Variants in RYR2 observed in about 807,000 individuals in gnomAD.
RYR2 encodes ryanodine receptor 2.
In RYR2, 227 loss-of-function variants were observed where a neutral mutation model predicts 601.1. The ratio of observed to expected loss-of-function variants is 0.38; its 90% CI spans 0.34 to 0.42. RYR2 has a LOEUF of 0.42. Ranked by LOEUF, RYR2 falls within the 10% of genes least tolerant of loss-of-function variation. RYR2 has a pLI of 1.00. For missense variants in RYR2, 4,646 were observed against 6,156.5 expected (o/e 0.75, Z 8.21); for synonymous variants, 2,223 against 2,175.1 (o/e 1.02, Z -0.61).
At chr1:237,224,574 C>T (rs570907620) in intron 1 of RYR2, among the ~76,000 whole-genome samples, 3 of 152,066 alleles carry the variant, frequency 2.0e-5, no homozygotes, top group Admixed American at 6.6e-5. Context: ...TTATGACTTA[C>T]AGGCTGGGCA....
At chr1:237,453,149 T>G (rs1245575774) in intron 14 of RYR2, among the ~76,000 whole-genome samples, 1 of 152,102 alleles carries the variant, frequency 6.6e-6, no homozygotes, top group Non-Finnish European at 1.5e-5. Flanking sequence ...GCATGTGAAT[T>G]AAATGGGAAA....
At chr1:237,286,977 T>C (rs146195473) in intron 2 of RYR2, among the ~76,000 whole-genome samples, 222 of 152,330 alleles carry the variant, frequency 1.5e-3, no homozygotes, top group African/African-American at 5.0e-3. Context: ...TGTTTCAAGA[T>C]TCTGAGCTCC....
At chr1:237,437,319 TG>T (rs1707501397) in intron 12 of RYR2, among the ~76,000 whole-genome samples, 1 of 152,200 alleles carries the variant, frequency 6.6e-6, no homozygotes. Context: ...CCTAAAGTGC[TG>T]GGATTACAGG....
At chr1:237,148,561 C>CATATATATAT (rs1558320364) in intron 1 of RYR2, among the ~76,000 whole-genome samples, 1 of 109,750 alleles carries the variant, frequency 9.1e-6, no homozygotes, top group African/African-American at 3.7e-5. Flanking sequence ...TATACACACA[C>CATATATATAT]ACATATATAT....
intron 1 of RYR2, among the ~76,000 whole-genome samples, chr1:237,202,450 T>C (rs765494318): frequency 6.6e-5 from 10 of 152,140 alleles, no homozygotes; most frequent in Non-Finnish European, 1.0e-4. Flanking sequence ...CTCTGTTGCC[T>C]AGGCTGGAGT....
At chr1:237,653,782 G>A (rs192634620) in intron 51 of RYR2, among the ~76,000 whole-genome samples, 1 of 152,326 alleles carries the variant, frequency 6.6e-6, no homozygotes, top group East Asian at 1.9e-4. Context: ...AGGCCCGTGA[G>A]CCCCTGGCAA....
chr1:237,766,711 G>A (rs1693874129), intron 84 of RYR2, among the ~76,000 whole-genome samples: 1 of 152,138 alleles, frequency 6.6e-6, no homozygotes, highest in African/African-American at 2.4e-5. Context: ...GAAACAAGAT[G>A]CAATCACATT....
intron 14 of RYR2, among the ~76,000 whole-genome samples, chr1:237,446,647 C>G (rs1364679545): frequency 6.6e-6 from 1 of 152,042 alleles, no homozygotes; most frequent in African/African-American, 2.4e-5. Flanking sequence ...ACCATACACA[C>G]TGTGTGTATA....
chr1:237,387,208 C>T, intron 8 of RYR2, 73 bp from the exon 9 acceptor site: 2 of 1,319,220 alleles, frequency 1.5e-6, no homozygotes, highest in Non-Finnish European at 1.1e-6. Flanking sequence ...GTTAAGTTTG[C>T]ATTCCTAGAA....
At chr1:237,395,248 T>G (rs1375405312) in intron 10 of RYR2, among the ~76,000 whole-genome samples, 1 of 152,190 alleles carries the variant, frequency 6.6e-6, no homozygotes, top group Non-Finnish European at 1.5e-5. Flanking sequence ...GAAAACATAT[T>G]TTACCATTCA....
Position 237,292,132 on chromosome 1 carries a change from T to A in RYR2, c.168+21516T>A, listed in dbSNP as rs139761112. ...AAACAGCCTACCAACCAACAAGAGA[T>A]CCCTAAATGTTCGGCAGTAGAGAAA... is the stretch of plus-strand genomic sequence containing the variant. On this transcript the variant is annotated intron_variant, in intron 2 of 104. Coordinates refer to ENST00000366574, the MANE Select transcript of RYR2 (RefSeq NM_001035.3). Among the ~76,000 whole-genome samples the A allele has an allele frequency of 1.6e-4, 25 of 152,158 alleles. No individual in the cohort carries two copies. The East Asian group carries it at 4.6e-3, about 28-fold the overall frequency.
chr1:237,152,400 C>A (rs1261838612), intron 1 of RYR2, among the ~76,000 whole-genome samples: 1 of 152,162 alleles, frequency 6.6e-6, no homozygotes, highest in Non-Finnish European at 1.5e-5. Context: ...AATGGGATTT[C>A]TGGTTCTAGA....
intron 1 of RYR2, among the ~76,000 whole-genome samples, chr1:237,260,424 G>A (rs1363321511): frequency 6.6e-6 from 1 of 152,222 alleles, no homozygotes; most frequent in East Asian, 1.9e-4. Context: ...ATTCCCGAAG[G>A]TGATTCAAAT....
intron 88 of RYR2, among the ~76,000 whole-genome samples, chr1:237,780,037 T>C (rs1273477145): frequency 6.6e-6 from 1 of 151,698 alleles, no homozygotes; most frequent in Non-Finnish European, 1.5e-5. Context: ...GAACTGTTGA[T>C]TTTTTTATCA....
In RYR2 at chr1:237,819,333, T is replaced by C; in HGVS notation, c.14590+141T>C. On this transcript the variant is annotated intron_variant, in intron 101 of 104. Coordinates refer to ENST00000366574, the MANE Select transcript of RYR2 (RefSeq NM_001035.3). The surrounding 1 kb of genome is among the most constrained non-coding windows in gnomAD (Gnocchi z 4.0). Reference sequence around the variant, plus strand: ...AACTTTTCCTTCCAGTATTTCTTCATCATGCAATCTACCGGGGGAAATATA... The same window carrying C: ...AACTTTTCCTTCCAGTATTTCTTCACCATGCAATCTACCGGGGGAAATATA... 1 of 758,062 alleles carries C rather than the reference T, an allele frequency of 1.3e-6. No individual in the cohort carries two copies. Among genetic ancestry groups the C allele is most frequent in the Non-Finnish European group, 2.2e-6 (1 of 454,086 alleles). 47.0% of individuals were successfully genotyped at this position (758,062 alleles called of 1,614,324 possible).
At chr1:237,306,629 G>A (rs1693893890) in intron 2 of RYR2, among the ~76,000 whole-genome samples, 1 of 136,524 alleles carries the variant, frequency 7.3e-6, no homozygotes, top group Non-Finnish European at 1.5e-5. Flanking sequence ...CCTGATATCA[G>A]CTTTGACTTT....
intron 1 of RYR2, among the ~76,000 whole-genome samples, chr1:237,219,981 A>C (rs549670660): frequency 6.6e-6 from 1 of 152,334 alleles, no homozygotes; most frequent in Admixed American, 6.5e-5. Context: ...ATGTGCATGC[A>C]AGTACTTTTA....
intron 1 of RYR2, among the ~76,000 whole-genome samples, chr1:237,175,518 G>A (rs1677927161): frequency 6.6e-6 from 1 of 151,948 alleles, no homozygotes; most frequent in Non-Finnish European, 1.5e-5. Context: ...GCTCATACTT[G>A]AATGTGTATA....
chr1:237,192,844 A>G (rs1238464301), intron 1 of RYR2, among the ~76,000 whole-genome samples: 1 of 152,184 alleles, frequency 6.6e-6, no homozygotes, highest in African/African-American at 2.4e-5. Context: ...ATCAATATGT[A>G]TGATCTGTGA....
Sources: gnomAD v4.1 joint callset for allele counts (sites outside exome capture counted in the v4.1 genomes callset) on GRCh38, gnomAD v4.1.1 for gene constraint, Gnocchi (gnomAD v3.1) non-coding constraint, MANE v1.5 for transcripts, NCBI Gene and HGNC (gene_info 2026-07-23, HGNC 2026-07-21) for gene names.